ZNF804B: variants seen among roughly 807,000 people sequenced by gnomAD.
ZNF804B encodes zinc finger protein 804B.
A neutral mutation model predicts 101.4 loss-of-function variants in ZNF804B; 80 were observed. The ratio of observed to expected loss-of-function variants is 0.79; its 90% CI spans 0.66 to 0.95. The LOEUF (loss-of-function observed/expected upper bound fraction) is 0.95, where lower values mean the gene tolerates loss of function less well. Ranked by LOEUF, ZNF804B falls within the 40% of genes least tolerant of loss-of-function variation. ZNF804B has a pLI of 0.00. For missense variants in ZNF804B, 1,673 were observed against 1,561.9 expected (o/e 1.07, Z -1.20); for synonymous variants, 622 against 558.8 (o/e 1.11, Z -1.59).
chr7:89,196,376 G>C (rs1031356167), intron 1 of ZNF804B, among the ~76,000 whole-genome samples: 2 of 152,098 alleles, frequency 1.3e-5, no homozygotes, highest in African/African-American at 4.8e-5. Context: ...TAAGCAATAG[G>C]GAAAGGACTC....
intron 1 of ZNF804B, among the ~76,000 whole-genome samples, chr7:88,923,998 T>C (rs1030062601): frequency 6.6e-6 from 1 of 152,134 alleles, no homozygotes; most frequent in African/African-American, 2.4e-5. Context: ...TTAGATTTGT[T>C]TTGGCTTTGC....
chr7:89,124,232 T>A (rs1790446388), intron 1 of ZNF804B, among the ~76,000 whole-genome samples: 1 of 136,502 alleles, frequency 7.3e-6, no homozygotes, highest in Admixed American at 7.2e-5. Flanking sequence ...ATCCCACTAT[T>A]CTTATCTTGA....
At chr7:89,171,291 T>TGCTGCTGCTGCTG (rs1562904397) in intron 1 of ZNF804B, among the ~76,000 whole-genome samples, 16 of 48,426 alleles carry the variant, frequency 3.3e-4, no homozygotes, top group East Asian at 2.9e-3. Context: ...TGCTGCTGCT[T>TGCTGCTGCTGCTG]CTTCTTCTTC....
intron 1 of ZNF804B, among the ~76,000 whole-genome samples, chr7:88,990,360 A>G (rs2116151676): frequency 6.6e-6 from 1 of 152,180 alleles, no homozygotes; most frequent in Admixed American, 6.5e-5. Context: ...TTTTAGAAAC[A>G]CTTGTACAGA....
At chr7:89,006,759 G>A (rs1000617259) in intron 1 of ZNF804B, among the ~76,000 whole-genome samples, 1 of 152,074 alleles carries the variant, frequency 6.6e-6, no homozygotes, top group Non-Finnish European at 1.5e-5. Flanking sequence ...CATATTTTCA[G>A]GAGAGGCTTC....
At chr7:89,327,513 G>T in intron 3 of ZNF804B, 39 bp downstream of exon 3, 2 of 1,587,662 alleles carry the variant, frequency 1.3e-6, no homozygotes, top group Non-Finnish European at 1.7e-6. Context: ...CAAAACTCTC[G>T]TCAACCTATG....
chr7:89,176,662 G>A (rs1441759066), intron 1 of ZNF804B, among the ~76,000 whole-genome samples: 1 of 136,332 alleles, frequency 7.3e-6, no homozygotes, highest in Non-Finnish European at 1.5e-5. Flanking sequence ...CACTGAACAA[G>A]TTTGGAAGTA....
At chr7:89,043,869 T>C (rs1789057369) in intron 1 of ZNF804B, among the ~76,000 whole-genome samples, 1 of 152,112 alleles carries the variant, frequency 6.6e-6, no homozygotes, top group African/African-American at 2.4e-5. Flanking sequence ...TAAGACCAGC[T>C]TCAGTGAATA....
intron 1 of ZNF804B, among the ~76,000 whole-genome samples, chr7:88,841,049 A>G (rs571505681): frequency 3.3e-5 from 5 of 152,316 alleles, no homozygotes; most frequent in African/African-American, 7.2e-5. Flanking sequence ...CTCAACTCTT[A>G]TCTATCTTCT....
chr7:89,274,610 TCCTTAG>T (rs1474446251), intron 2 of ZNF804B, among the ~76,000 whole-genome samples: 2 of 151,632 alleles, frequency 1.3e-5, no homozygotes, highest in Non-Finnish European at 2.9e-5. Flanking sequence ...CACATAATGA[TCCTTAG>T]AAGACATGTT....
chr7:88,771,194 C>T (rs1186582124), intron 1 of ZNF804B, among the ~76,000 whole-genome samples: 2 of 151,948 alleles, frequency 1.3e-5, no homozygotes, highest in African/African-American at 2.4e-5. Context: ...TGGTTTTTTA[C>T]TCTTCTGCTT....
chr7:89,082,962 T>A (rs1051409480), intron 1 of ZNF804B, among the ~76,000 whole-genome samples: 8 of 151,774 alleles, frequency 5.3e-5, no homozygotes, highest in African/African-American at 1.4e-4. Context: ...CTTTGAAGAT[T>A]GATTTTTACT....
intron 1 of ZNF804B, among the ~76,000 whole-genome samples, chr7:89,091,325 T>C (rs1164980665): frequency 2.0e-5 from 3 of 151,998 alleles, no homozygotes; most frequent in African/African-American, 4.8e-5. Flanking sequence ...CTTTCAAACA[T>C]GGTGAGACCT....
intron 1 of ZNF804B, among the ~76,000 whole-genome samples, chr7:89,013,090 C>T (rs929374239): frequency 5.9e-5 from 9 of 152,076 alleles, no homozygotes; most frequent in Admixed American, 5.2e-4. Flanking sequence ...AGGGGAACCG[C>T]CCCCAAGATC....
intron 2 of ZNF804B, among the ~76,000 whole-genome samples, chr7:89,240,625 T>A (rs1260121781): frequency 1.3e-5 from 2 of 152,068 alleles, no homozygotes; most frequent in Non-Finnish European, 2.9e-5. Context: ...CTGCTTATAT[T>A]CTTCATTTTA....
chr7:89,229,010 G>A lies in ZNF804B; in HGVS notation c.249+10715G>A, dbSNP rs535721590. On this transcript the variant is annotated intron_variant, in intron 2 of 3. Transcript: ENST00000333190. ...CTGCCCAGTGCCGGCGGGGCCGGCC[G>A]GCTGCTCCGAGTGTGGGGCCCGCGG... is the stretch of plus-strand genomic sequence containing the variant. Among the ~76,000 whole-genome samples the A allele has an allele frequency of 3.8e-3, 579 of 151,612 alleles. 3 individuals carry two copies. The highest frequency in any genetic ancestry group is 0.013 in the African/African-American group (556 of 41,384).
chr7:89,234,566 G>C (rs926955031), intron 2 of ZNF804B, among the ~76,000 whole-genome samples: 6 of 152,114 alleles, frequency 3.9e-5, no homozygotes, highest in Admixed American at 6.5e-5. Flanking sequence ...GTCAGTGAGG[G>C]CATTTCCAGA....
At chr7:89,091,318 T>C (rs189268661) in intron 1 of ZNF804B, among the ~76,000 whole-genome samples, 7 of 152,238 alleles carry the variant, frequency 4.6e-5, no homozygotes, top group Admixed American at 2.6e-4. Context: ...CAATTTCCTT[T>C]CAAACATGGT....
chr7:88,794,576 C>G (rs1323382520), intron 1 of ZNF804B: 4 of 1,613,474 alleles, frequency 2.5e-6, no homozygotes, highest in Non-Finnish European at 3.4e-6. Flanking sequence ...ATAAAAAATA[C>G]TGTTTCATCT....
Sources: allele counts gnomAD v4.1 joint callset (sites outside exome capture counted in the v4.1 genomes callset), GRCh38; gene constraint gnomAD v4.1.1; transcripts MANE v1.5; gene names NCBI Gene and HGNC (gene_info 2026-07-23, HGNC 2026-07-21).